The following TRPM4 variants were observed in gnomAD, a reference collection of about 807,000 sequenced individuals.
TRPM4 encodes transient receptor potential cation channel subfamily M member 4, also known as calcium-activated non-selective cation channel 1.
Under a neutral mutation model 135.6 loss-of-function variants are expected in TRPM4, and 124 were observed. The ratio of observed to expected loss-of-function variants is 0.91; its 90% confidence interval spans 0.79 to 1.06. The LOEUF is 1.06. Among genes scored for constraint, TRPM4 ranks in the 50% least tolerant of loss-of-function variants. TRPM4 has a pLI of 0.00. For missense variants in TRPM4, 1,658 were observed against 1,671.4 expected, an observed-to-expected ratio of 0.99 and a Z score of 0.14; for synonymous variants, 745 against 705.6, an observed-to-expected ratio of 1.06 and a Z score of -0.88.
Position 49,171,473 on chromosome 19 carries a change from C to T in TRPM4, c.858+55C>T. Reference sequence around the variant, plus strand: ...GGGGAAGGAGGGTTGGGGGCCAGGACTCCTGGGTCCTGAGTCTTAGGGAGG... The same window carrying T: ...GGGGAAGGAGGGTTGGGGGCCAGGATTCCTGGGTCCTGAGTCTTAGGGAGG... On this transcript the variant is annotated intron_variant, in intron 7 of 24. Transcript: ENST00000252826. This position sits in a 1 kb window ranked among gnomAD's most constrained non-coding sequence, Gnocchi z 4.7. 1.2e-6 allele frequency: 2 copies of T among 1,612,608 alleles called. No individual in the cohort carries two copies. The highest frequency in any genetic ancestry group is 8.5e-7 in the Non-Finnish European group (1 of 1,178,816).
Position 49,165,287 on chromosome 19 carries a change from T to C in TRPM4, c.93-754T>C, listed in dbSNP as rs148187831. 6.7e-3 allele frequency among the ~76,000 whole-genome samples: 1,020 copies of C among 152,240 alleles called. 3 individuals carry two copies. Among genetic ancestry groups the C allele is most frequent in the Non-Finnish European group, 0.011 (746 of 68,022 alleles). On this transcript the variant is annotated intron_variant, in intron 2 of 24. Coordinates refer to ENST00000252826, the MANE Select transcript of TRPM4 (RefSeq NM_017636.4). ...TACTCGCTAGATGGCTGTTGCCAGCTCCATTTTTTGAGCCCGAGGCCTGCT... is the reference window on the plus strand; with the variant it reads ...TACTCGCTAGATGGCTGTTGCCAGCCCCATTTTTTGAGCCCGAGGCCTGCT...
At position 49,202,103 on chromosome 19, in the gene TRPM4, C is replaced by A. The variant is rs140474062; in HGVS notation, c.3093C>A (p.Ala1031=). Residue 1031 remains alanine (A), a synonymous_variant, in exon 20 of 25, where the codon GCC becomes GCA. Transcript: ENST00000252826. ...TCCTCGTCATCTTCCTGCTCGTGGC[C>A]AACATCCTGCTGGTCAACTTGCTCA... ...VLLLVIFLLV[A]NILLVNLLIA... is the part of the protein sequence containing the mutation. 13 of 1,613,970 alleles carry A rather than the reference C, an allele frequency of 8.1e-6. No homozygotes were observed. Among genetic ancestry groups the A allele is most frequent in the Non-Finnish European group, 1.0e-5 (12 of 1,180,048 alleles).
intron 9 of TRPM4, among the ~76,000 whole-genome samples, chr19:49,173,172 A>G (rs536072951): frequency 7.3e-5 from 11 of 150,188 alleles, no homozygotes; most frequent in Admixed American, 2.0e-4. Context: ...TCATTCTTCT[A>G]TCCATCCATC....
At chr19:49,209,743 CTTTTTT>C (rs780991215) in intron 20 of TRPM4, among the ~76,000 whole-genome samples, 4 of 105,856 alleles carry the variant, frequency 3.8e-5, no homozygotes, top group African/African-American at 1.1e-4. Context: ...TCTAAACTGA[CTTTTTT>C]TTTTTTTTTT....
At chr19:49,201,914 T>C (rs1968947292) in intron 19 of TRPM4, 50 bp from the exon 20 acceptor site, 1 of 1,602,724 alleles carries the variant, frequency 6.2e-7, no homozygotes, top group African/African-American at 1.3e-5. Context: ...TTCCTGTCTT[T>C]CTTAGGTCTC....
rs747932155 is a variant in TRPM4, at chr19:49,200,467, A to G, written c.2778+35A>G. 77 of 1,251,422 alleles carry G rather than the reference A, an allele frequency of 6.2e-5. No individual in the cohort carries two copies. The Admixed American group carries it at 1.4e-3, about 22-fold the overall frequency. 77.5% of individuals were successfully genotyped at this position (1,251,422 alleles called of 1,614,324 possible). On this transcript the variant is annotated intron_variant, in intron 18 of 24. Transcript: ENST00000252826. Reference sequence around the variant, plus strand: ...GGGCGGGGCCAAAGTGGGCGGGGACATAGGGAAAGGGGTGGGGCCAGGGAG... The same window carrying G: ...GGGCGGGGCCAAAGTGGGCGGGGACGTAGGGAAAGGGGTGGGGCCAGGGAG...
rs1459547611 is a variant in TRPM4 at position 49,200,685 on chromosome 19, C to T, written c.2853C>T (p.Leu951=). The change falls in exon 19 of 25, where the codon CTC becomes CTT. Residue 951 remains leucine, a synonymous_variant. Transcript: ENST00000252826. Reference sequence around the variant, plus strand: ...CCTATGGCGTGGCCACGGAGGGGCTCCTGAGGCCACGGGACAGTGACTTCC... The same window carrying T: ...CCTATGGCGTGGCCACGGAGGGGCTTCTGAGGCCACGGGACAGTGACTTCC... The part of the protein sequence containing the change: ...LVAYGVATEG[L]LRPRDSDFPS... 2.5e-6 allele frequency: 4 copies of T among 1,613,974 alleles called. No individual in the cohort carries two copies. The highest frequency in any genetic ancestry group is 3.4e-6 in the Non-Finnish European group (4 of 1,180,044).
chr19:49,158,357 G>C, intron 2 of TRPM4, 98 bp downstream of exon 2: 1 of 1,135,226 alleles, frequency 8.8e-7, no homozygotes, highest in Non-Finnish European at 1.3e-6. Flanking sequence ...CCCCATTCCT[G>C]GACTCGGGGA....
At chr19:49,157,990 CGGAGGAGGGGGATGGGAGG>C (rs1176199160) in intron 1 of TRPM4, 100 bp downstream of exon 1, 1 of 1,398,114 alleles carries the variant, frequency 7.2e-7, no homozygotes, top group Non-Finnish European at 9.8e-7. Context: ...CTGGGTCAGA[CGGAGGAGGGGGATGGGAGG>C]GTCCAGGTTC....
intron 19 of TRPM4, among the ~76,000 whole-genome samples, chr19:49,201,232 G>A (rs1968924517): frequency 6.6e-6 from 1 of 152,018 alleles, no homozygotes; most frequent in Non-Finnish European, 1.5e-5. Flanking sequence ...TTTATTGGCT[G>A]GAACCGGACT....
chr19:49,174,253 A>G (rs1967587579), intron 9 of TRPM4, among the ~76,000 whole-genome samples: 1 of 152,120 alleles, frequency 6.6e-6, no homozygotes, highest in Non-Finnish European at 1.5e-5. Context: ...CCCGGGTTCA[A>G]GCGATTCTCC....
Position 49,168,109 on chromosome 19 carries a change from T to C in TRPM4, c.448+12T>C, listed in dbSNP as rs1600409226. The C allele has an allele frequency of 1.6e-5, 26 of 1,597,542 alleles. No individual in the cohort carries two copies. Among genetic ancestry groups the C allele is most frequent in the East Asian group, 2.2e-5 (1 of 44,754 alleles). On this transcript the variant is annotated intron_variant, in intron 4 of 24. Transcript: ENST00000252826. ...TGCCCAGAGCACAGGTGACCGAGGG[T>C]GGGTGGGGGCTGTCTCCTGGGCCTC...
At chr19:49,167,298 G>A (rs1305982070) in intron 3 of TRPM4, among the ~76,000 whole-genome samples, 6 of 119,010 alleles carry the variant, frequency 5.0e-5, no homozygotes, top group Non-Finnish European at 1.0e-4. Flanking sequence ...CGTCTCTCCG[G>A]GTCTCTGTTT....
At chr19:49,194,301 C>A (rs1000154367) in intron 16 of TRPM4, among the ~76,000 whole-genome samples, 10 of 152,130 alleles carry the variant, frequency 6.6e-5, no homozygotes, top group African/African-American at 2.4e-4. Flanking sequence ...GTCACTCAGG[C>A]TGGAGAGCAG....
intron 2 of TRPM4, among the ~76,000 whole-genome samples, chr19:49,161,048 T>A (rs1490547635): frequency 6.6e-6 from 1 of 151,446 alleles, no homozygotes; most frequent in Admixed American, 6.6e-5. Flanking sequence ...TGTCGCTGAG[T>A]GCAATGTGGG....
intron 9 of TRPM4, among the ~76,000 whole-genome samples, chr19:49,179,159 G>A (rs8101632): frequency 0.34 from 51,193 of 150,496 alleles, 8,846 homozygotes; most frequent in African/African-American, 0.44. Flanking sequence ...GGGTTCAAGC[G>A]ATTTTCCTGC....
chr19:49,161,253 T>G (rs1031467195), intron 2 of TRPM4, among the ~76,000 whole-genome samples: 1 of 151,480 alleles, frequency 6.6e-6, no homozygotes, highest in Non-Finnish European at 1.5e-5. Context: ...TATAGCCAAT[T>G]GTGTGCGTGT....
Position 49,182,876 on chromosome 19 carries a change from C to G in TRPM4, c.1562C>G (p.Ser521Cys). ...LGKMCAPRYP[S>C]GGAWDPHPGQ... ...AAGATGTGCGCGCCGAGGTACCCCT[C>G]CGGGGGCGCCTGGGACCCTCACCCA... The change falls in exon 11 of 25, where the codon TCC becomes TGC. Residue 521 changes from serine (S) to cysteine (C), a missense_variant. This residue lies in a region of TRPM4 where 1,412 missense variants were observed against 1,408.7 expected (regional missense o/e 1.00). Transcript: ENST00000252826. 6.2e-7 allele frequency: 1 copy of G among 1,604,856 alleles called. No homozygotes were observed. Among genetic ancestry groups the G allele is most frequent in the South Asian group, 1.1e-5 (1 of 90,272 alleles).
chr19:49,210,405 C>T lies in TRPM4; in HGVS notation c.3328C>T (p.Arg1110Trp), dbSNP rs1969307991. Residue 1110 changes from arginine to tryptophan, a missense_variant and splice_region_variant, in exon 21 of 25, where the codon CGG (arginine) becomes TGG (tryptophan). Physicochemically the swap from Arg to Trp is moderately radical, Grantham distance 101. This residue lies in a region of TRPM4 where 1,412 missense variants were observed against 1,408.7 expected (regional missense o/e 1.00). Coordinates refer to ENST00000252826, the MANE Select transcript of TRPM4 (RefSeq NM_017636.4). This position sits in a 1 kb window ranked among gnomAD's most constrained non-coding sequence, Gnocchi z 4.1. Reference protein sequence around the residue: ...QPSSPALEHFRVYLSKEAERK... With the variant: ...QPSSPALEHFWVYLSKEAERK... ...GTCCTCCCCGGCCCTCGAGCATTTC[C>T]GTAAGAACAGAGCTTGGCTTAAAAA... is the stretch of plus-strand genomic sequence containing the variant. 6.2e-7 allele frequency: 1 copy of T among 1,613,266 alleles called. No individual in the cohort carries two copies. Among genetic ancestry groups the T allele is most frequent in the Non-Finnish European group, 8.5e-7 (1 of 1,180,000 alleles).
Sources: allele counts gnomAD v4.1 joint callset (sites outside exome capture counted in the v4.1 genomes callset), GRCh38; gene constraint gnomAD v4.1.1; regional missense constraint gnomAD v4.1.1; non-coding constraint Gnocchi (gnomAD v3.1); transcripts MANE v1.5; gene names NCBI Gene and HGNC (gene_info 2026-07-23, HGNC 2026-07-21).